BAZ1A: variants seen among roughly 807,000 people sequenced by gnomAD.
BAZ1A encodes bromodomain adjacent to zinc finger domain protein 1A.
BAZ1A carries 50 observed loss-of-function variants against 185.2 expected under a neutral mutation model. The observed-to-expected ratio is 0.27, with a 90% confidence interval of 0.22 to 0.34. The LOEUF (loss-of-function observed/expected upper bound fraction) is 0.34, where lower values mean the gene tolerates loss of function less well. Among genes scored for constraint, BAZ1A ranks in the 10% least tolerant of loss-of-function variants. BAZ1A has a pLI of 1.00. For synonymous variants in BAZ1A, 571 were observed against 615.6 expected, an observed-to-expected ratio of 0.93 and a Z score of 1.07; for missense variants, 1,356 against 1,839.9, an observed-to-expected ratio of 0.74 and a Z score of 4.81.
rs896210460 is a variant in BAZ1A at position 34,806,785 on chromosome 14, G to A, written c.726+666C>T. ...TTATTTTGAGACAGGGTCTCACTCT[G>A]TTGTCCAGGCTGGAGTGCAGTGATA... On this transcript the variant is annotated intron_variant, in intron 6 of 26. Transcript: ENST00000360310. 2.6e-5 allele frequency among the ~76,000 whole-genome samples: 4 copies of A among 151,590 alleles called. No homozygotes were observed. In the South Asian group the frequency reaches 8.3e-4, roughly 32 times the overall value.
rs773500177 is a variant in BAZ1A at position 34,836,378 on chromosome 14, CAAAAAAAAAAAAAAAAAAAAAAA to C, written c.393-10245_393-10223del. 7.6e-4 allele frequency among the ~76,000 whole-genome samples: 10 copies of C among 13,120 alleles called. 2 individuals carry two copies. The highest frequency in any genetic ancestry group is 3.4e-3 in the African/African-American group (10 of 2,942). The allele number at this position is 13,120 out of a possible 152,430, so 8.6% of individuals were successfully genotyped here. A position where few individuals can be genotyped will look rare whatever the true frequency, so the allele number is the denominator to read the frequency against. Reference sequence around the variant, plus strand: ...TGGGCGACAGAGCGAGACTCCGTCTCAAAAAAAAAAAAAAAAAAAAAAAAAAAAAAAAAAAAAAAAACTTTCTA... The same window carrying C: ...TGGGCGACAGAGCGAGACTCCGTCTCAAAAAAAAAAAAAAAAAACTTTCTA... On this transcript the variant is annotated intron_variant, in intron 3 of 26. Coordinates refer to ENST00000360310, the MANE Select transcript of BAZ1A (RefSeq NM_013448.3).
chr14:34,853,153 T>C (rs2042622666), intron 3 of BAZ1A, among the ~76,000 whole-genome samples: 2 of 152,304 alleles, frequency 1.3e-5, no homozygotes, highest in South Asian at 2.1e-4. Context: ...AAACATCTGG[T>C]AAGTATTTAA....
At position 34,817,382 on chromosome 14, in the gene BAZ1A, G is replaced by C. The variant is rs141839076; in HGVS notation, c.537-6346C>G. The stretch of plus-strand genomic sequence containing the variant: ...GTGGGCAGATTACTTGAGGCCAAGA[G>C]TTTGAGACCAGCCTGGCCAACATGG... On this transcript the variant is annotated intron_variant, in intron 4 of 26. Transcript: ENST00000360310. Among the ~76,000 whole-genome samples the C allele has an allele frequency of 5.3e-4, 81 of 152,300 alleles. 1 individual carries two copies. Among genetic ancestry groups the C allele is most frequent in the African/African-American group, 1.8e-3 (76 of 41,570 alleles).
At chr14:34,756,464 CTATTTT>C (rs1886253606) in intron 25 of BAZ1A, among the ~76,000 whole-genome samples, 1 of 107,168 alleles carries the variant, frequency 9.3e-6, no homozygotes, top group Non-Finnish European at 1.8e-5. Flanking sequence ...GCCAGAATAC[CTATTTT>C]TTTTTTTTTT....
rs781682939 is a variant in BAZ1A, at chr14:34,786,005, T to C, written c.1607-4A>G. ...TCCAAACTTTTCAAACTGCAGCCTA[T>C]AGTTGTTAAAAATGAAATAGTCATT... On this transcript the variant is annotated splice_polypyrimidine_tract_variant and splice_region_variant and intron_variant, in intron 13 of 26. Transcript: ENST00000360310. The C allele has an allele frequency of 6.2e-7, 1 of 1,611,416 alleles. No homozygotes were observed. Among genetic ancestry groups the C allele is most frequent in the Admixed American group, 1.7e-5 (1 of 59,740 alleles).
At chr14:34,810,840 A>G in intron 5 of BAZ1A, 95 bp downstream of exon 5, 1 of 828,012 alleles carries the variant, frequency 1.2e-6, no homozygotes, top group Non-Finnish European at 2.0e-6. Context: ...GAAAGCAATC[A>G]CAGTACTTCC....
Position 34,773,707 on chromosome 14 carries a change from C to T in BAZ1A, c.3017G>A (p.Trp1006Ter). 6.2e-7 allele frequency: 1 copy of T among 1,613,498 alleles called. No individual in the cohort carries two copies. Reference sequence around the variant, plus strand: ...CCGTCCACTTTCTAATGCTGATCTCCAGATATGTCGATCTGTAACCTGTAA... The same window carrying T: ...CCGTCCACTTTCTAATGCTGATCTCTAGATATGTCGATCTGTAACCTGTAA... ...GAIKVTDRHI[W>*]RSALESGRYE... is the part of the protein sequence containing the mutation. The change falls in exon 20 of 27, where the codon TGG (tryptophan) becomes TAG (stop). Residue 1006 changes from tryptophan (W) to a stop codon, truncating the protein, a stop_gained. Coordinates refer to ENST00000360310, the MANE Select transcript of BAZ1A (RefSeq NM_013448.3). LOFTEE classifies it high-confidence loss of function.
rs1329917457 is a variant in BAZ1A, at chr14:34,875,286, G to T, written c.-207C>A. ...GCTGCCACTGCCCGACTCCGCGCGG[G>T]GAATTGCGTCCCACCGCCACTTCCC... On this transcript the variant is annotated 5_prime_UTR_variant, in exon 1 of 27. Coordinates refer to ENST00000360310, the MANE Select transcript of BAZ1A (RefSeq NM_013448.3). 2.2e-6 allele frequency: 1 copy of T among 455,548 alleles called. No homozygotes were observed. The highest frequency in any genetic ancestry group is 1.5e-5 in the South Asian group (1 of 64,550). 28.2% of individuals were successfully genotyped at this position (455,548 alleles called of 1,614,324 possible). A position where few individuals can be genotyped will look rare whatever the true frequency, so the allele number is the denominator to read the frequency against.
rs1594805100 is a variant in BAZ1A at position 34,757,836 on chromosome 14, T to C, written c.4386+868A>G. Among the ~76,000 whole-genome samples, 2 of 147,650 alleles carry C rather than the reference T, an allele frequency of 1.4e-5. 1 individual carries two copies. Among genetic ancestry groups the C allele is most frequent in the South Asian group, 4.4e-4 (2 of 4,502 alleles). ...ATCTCGGCTCACTGCAACTTCTGCC[T>C]CCCGGGTTCAAGTAATTCTCCTGCC... is the stretch of plus-strand genomic sequence containing the variant. On this transcript the variant is annotated intron_variant, in intron 25 of 26. Transcript: ENST00000360310.
At chr14:34,856,956 G>A (rs1403616804) in intron 3 of BAZ1A, among the ~76,000 whole-genome samples, 1 of 150,072 alleles carries the variant, frequency 6.7e-6, no homozygotes, top group African/African-American at 2.4e-5. Context: ...CCTGATTTGA[G>A]TGCAAAGATG....
chr14:34,851,619 C>T (rs988324460), intron 3 of BAZ1A, among the ~76,000 whole-genome samples: 1 of 151,856 alleles, frequency 6.6e-6, no homozygotes, highest in Non-Finnish European at 1.5e-5. Context: ...CACCATTCTT[C>T]CAGCGTTTCG....
intron 4 of BAZ1A, among the ~76,000 whole-genome samples, chr14:34,824,198 TA>T (rs11453821): frequency 7.5e-4 from 95 of 126,548 alleles, no homozygotes; most frequent in Non-Finnish European, 9.0e-4. Context: ...TGTCTCTACT[TA>T]AAAAAAAAAA....
Position 34,816,806 on chromosome 14 carries a change from G to T in BAZ1A, c.537-5770C>A, listed in dbSNP as rs955085592. On this transcript the variant is annotated intron_variant, in intron 4 of 26. Transcript: ENST00000360310. ...CTATCAATTTAGTTCAGATTCCAGA[G>T]AATTTGTGATTGTAGATCAACTTCA... 2.3e-5 allele frequency: 10 copies of T among 443,660 alleles called. No homozygotes were observed. The East Asian group carries it at 7.2e-4, about 32-fold the overall frequency. 27.5% of individuals were successfully genotyped at this position (443,660 alleles called of 1,614,324 possible). A position where few individuals can be genotyped will look rare whatever the true frequency, so the allele number is the denominator to read the frequency against.
chr14:34,784,521 T>G (rs1183410274), intron 14 of BAZ1A, among the ~76,000 whole-genome samples: 1 of 152,082 alleles, frequency 6.6e-6, no homozygotes, highest in African/African-American at 2.4e-5. Flanking sequence ...TTTTTTTGTT[T>G]GTTTTTGTTT....
intron 4 of BAZ1A, among the ~76,000 whole-genome samples, chr14:34,817,604 C>G (rs2042026103): frequency 6.6e-6 from 1 of 151,958 alleles, no homozygotes; most frequent in Non-Finnish European, 1.5e-5. Context: ...CAAAACAAAA[C>G]AAAACAACAA....
chr14:34,820,121 C>T (rs1247949223), intron 4 of BAZ1A, among the ~76,000 whole-genome samples: 1 of 93,980 alleles, frequency 1.1e-5, no homozygotes, highest in Non-Finnish European at 2.3e-5. Context: ...TTGGGTTCCT[C>T]GTTTTTTTTT....
At chr14:34,833,884 TAAAAA>T (rs59279643) in intron 3 of BAZ1A, among the ~76,000 whole-genome samples, 1 of 151,688 alleles carries the variant, frequency 6.6e-6, no homozygotes, top group African/African-American at 2.4e-5. Flanking sequence ...TTTACTAAAA[TAAAAA>T]AAACAACTTT....
In BAZ1A at chr14:34,754,890, T is replaced by C; in HGVS notation, c.4411A>G (p.Lys1471Glu). ...IQVPDYYDIIKKPIALNIIRE... is the reference protein window; with the variant it reads ...IQVPDYYDIIEKPIALNIIRE... The stretch of plus-strand genomic sequence containing the variant: ...ATTATATTTAAGGCAATGGGCTTTT[T>C]GATGATGTCATAGTAGTCTGGGACC... The change falls in exon 26 of 27, where the codon AAA becomes GAA. Residue 1471 changes from lysine to glutamate, a missense_variant. Physicochemically the swap from Lys to Glu is moderately conservative, Grantham distance 56. This residue lies in a region of BAZ1A where 61 missense variants were observed against 117.9 expected (regional missense o/e 0.52). Transcript: ENST00000360310. The C allele has an allele frequency of 6.2e-7, 1 of 1,605,896 alleles. No homozygotes were observed. The highest frequency in any genetic ancestry group is 8.5e-7 in the Non-Finnish European group (1 of 1,176,116).
intron 11 of BAZ1A, among the ~76,000 whole-genome samples, chr14:34,793,972 AAAG>A (rs1292390442): frequency 6.6e-6 from 1 of 151,916 alleles, no homozygotes; most frequent in Non-Finnish European, 1.5e-5. Flanking sequence ...AAGAAAAAAA[AAAG>A]AAAAAAATTA....
Sources: allele counts gnomAD v4.1 joint callset (sites outside exome capture counted in the v4.1 genomes callset), GRCh38; gene constraint gnomAD v4.1.1; regional missense constraint gnomAD v4.1.1; transcripts MANE v1.5; gene names NCBI Gene and HGNC (gene_info 2026-07-23, HGNC 2026-07-21).